The following CADPS variants were observed in gnomAD, a reference collection of about 807,000 sequenced individuals.
The protein encoded by CADPS is calcium dependent secretion activator.
Under a neutral mutation model 167.3 loss-of-function variants are expected in CADPS, and 57 were observed. The observed-to-expected ratio is 0.34, with a 90% CI of 0.28 to 0.42. CADPS has a LOEUF of 0.42. Ranked by LOEUF, CADPS falls within the 20% of genes least tolerant of loss-of-function variation. The pLI, the probability that CADPS is intolerant of heterozygous loss-of-function variation, is 1.00. For missense variants in CADPS, 1,414 were observed against 1,738.1 expected (o/e 0.81, Z 3.32); for synonymous variants, 676 against 635.3 (o/e 1.06, Z -0.96).
chr3:62,687,734 ATTTTT>A (rs201429638), intron 3 of CADPS, among the ~76,000 whole-genome samples: 12 of 128,310 alleles, frequency 9.4e-5, no homozygotes, highest in East Asian at 2.4e-4. Context: ...TTCCCTTCGC[ATTTTT>A]TTTTTTTTTT....
At chr3:62,750,057 A>C (rs2082346491) in intron 3 of CADPS, among the ~76,000 whole-genome samples, 1 of 152,186 alleles carries the variant, frequency 6.6e-6, no homozygotes, top group South Asian at 2.1e-4. Context: ...ACAGGTTTAA[A>C]AAGTGAACTT....
chr3:62,485,140 A>C (rs902220701), intron 21 of CADPS, among the ~76,000 whole-genome samples: 3 of 149,620 alleles, frequency 2.0e-5, no homozygotes, highest in African/African-American at 7.3e-5. Context: ...ATATAAAAAG[A>C]GTAAGACGTT....
chr3:62,520,452 G>A (rs1424938239), intron 13 of CADPS, among the ~76,000 whole-genome samples: 1 of 152,192 alleles, frequency 6.6e-6, no homozygotes, highest in Non-Finnish European at 1.5e-5. Flanking sequence ...CTGCTTCGCT[G>A]ATAACCTCTC....
At chr3:62,776,518 G>T (rs926247055) in intron 1 of CADPS, among the ~76,000 whole-genome samples, 1 of 152,186 alleles carries the variant, frequency 6.6e-6, no homozygotes, top group Admixed American at 6.5e-5. Context: ...GCCGGGCATG[G>T]TGGCGGGCGC....
intron 26 of CADPS, among the ~76,000 whole-genome samples, chr3:62,447,460 T>C (rs1048233100): frequency 4.6e-5 from 7 of 152,296 alleles, no homozygotes; most frequent in African/African-American, 1.7e-4. Context: ...TTTTGTGCAA[T>C]GTCTACCTCC....
intron 29 of CADPS, among the ~76,000 whole-genome samples, chr3:62,402,550 G>A (rs971675121): frequency 6.6e-6 from 1 of 152,160 alleles, no homozygotes; most frequent in Non-Finnish European, 1.5e-5. Context: ...TTCAGGGTAT[G>A]TTATCTCACC....
intron 4 of CADPS, among the ~76,000 whole-genome samples, chr3:62,652,391 TG>T (rs1176983382): frequency 8.0e-6 from 1 of 125,248 alleles, no homozygotes; most frequent in East Asian, 2.3e-4. Flanking sequence ...ATGCCAATTC[TG>T]TGTGGCCAAA....
In CADPS at chr3:62,571,232, G is replaced by A. The variant is rs559973884; in HGVS notation, c.1578-294C>T. 2.6e-5 allele frequency among the ~76,000 whole-genome samples: 4 copies of A among 152,258 alleles called. No individual in the cohort carries two copies. The South Asian group carries it at 8.3e-4, about 32-fold the overall frequency. On this transcript the variant is annotated intron_variant, in intron 8 of 29. Coordinates refer to ENST00000383710, the MANE Select transcript of CADPS (RefSeq NM_003716.4). ...TTGTGTATGTGCTAAAAGTCTTTTA[G>A]GTAGGGGAACTCCTGAAAGACATTG... is the stretch of plus-strand genomic sequence containing the variant.
At chr3:62,654,953 G>A (rs1306927749) in intron 4 of CADPS, among the ~76,000 whole-genome samples, 2 of 152,118 alleles carry the variant, frequency 1.3e-5, no homozygotes, top group African/African-American at 4.8e-5. Context: ...CTCACTCAGT[G>A]CCTTTTAACT....
intron 28 of CADPS, among the ~76,000 whole-genome samples, chr3:62,413,507 T>A (rs1236115941): frequency 6.6e-6 from 1 of 152,172 alleles, no homozygotes; most frequent in Admixed American, 6.5e-5. Flanking sequence ...TTATGCTAAA[T>A]GAAATAAGTC....
chr3:62,559,337 T>C (rs1485226296), intron 9 of CADPS, among the ~76,000 whole-genome samples: 2 of 152,168 alleles, frequency 1.3e-5, no homozygotes, highest in East Asian at 1.9e-4. Context: ...GTTGAGTACA[T>C]ACAATCCAAT....
At chr3:62,869,001 G>A (rs993996651) in intron 1 of CADPS, among the ~76,000 whole-genome samples, 3 of 152,056 alleles carry the variant, frequency 2.0e-5, no homozygotes, top group Admixed American at 1.3e-4. Flanking sequence ...TATAGGTTGA[G>A]TATTCCTTAT....
chr3:62,792,353 A>G (rs892499282), intron 1 of CADPS, among the ~76,000 whole-genome samples: 9 of 151,658 alleles, frequency 5.9e-5, no homozygotes, highest in African/African-American at 9.7e-5. Context: ...ACAGGCATGC[A>G]CCCCCATGCC....
chr3:62,772,531 A>G (rs949789590), intron 1 of CADPS, among the ~76,000 whole-genome samples: 4 of 152,196 alleles, frequency 2.6e-5, no homozygotes, highest in African/African-American at 9.6e-5. Context: ...GGCTAAGAGC[A>G]TCGCAGAAAT....
chr3:62,715,373 C>CTATCTACCTAT (rs1554105668), intron 3 of CADPS, among the ~76,000 whole-genome samples: 63 of 134,604 alleles, frequency 4.7e-4, no homozygotes, highest in East Asian at 4.2e-3. Context: ...TATCTATCTA[C>CTATCTACCTAT]CTATCTATCT....
In CADPS at chr3:62,800,828, C is replaced by T. The variant is rs377629967; in HGVS notation, c.442-34844G>A. 8.0e-4 allele frequency among the ~76,000 whole-genome samples: 121 copies of T among 152,198 alleles called. 1 individual carries two copies. In the East Asian group the frequency reaches 0.014, roughly 17 times the overall value. On this transcript the variant is annotated intron_variant, in intron 1 of 29. Coordinates refer to ENST00000383710, the MANE Select transcript of CADPS (RefSeq NM_003716.4). The stretch of plus-strand genomic sequence containing the variant: ...AGATTAAAACATCTTTCCCAGAAAA[C>T]GCGTTTACAAAACATTCGTTCTCGA...
chr3:62,875,192 T>G lies in CADPS; in HGVS notation c.-163A>C. ...GCCTCGGCCGCCGCGACTGATCCTC[T>G]GCCCGGCGGTCGCGAGCTGGGCTCA... On this transcript the variant is annotated 5_prime_UTR_variant, in exon 1 of 30. Transcript: ENST00000383710. 1 of 962,214 alleles carries G rather than the reference T, an allele frequency of 1.0e-6. No individual in the cohort carries two copies. The highest frequency in any genetic ancestry group is 3.8e-5 in the East Asian group (1 of 26,272). 59.6% of individuals were successfully genotyped at this position (962,214 alleles called of 1,614,324 possible).
At chr3:62,719,255 C>G (rs1003882897) in intron 3 of CADPS, among the ~76,000 whole-genome samples, 1 of 152,204 alleles carries the variant, frequency 6.6e-6, no homozygotes, top group African/African-American at 2.4e-5. Context: ...CTTTCAACCC[C>G]TGTGACATCT....
intron 8 of CADPS, among the ~76,000 whole-genome samples, chr3:62,581,699 T>G (rs1018489599): frequency 6.6e-6 from 1 of 151,660 alleles, no homozygotes; most frequent in Non-Finnish European, 1.5e-5. Flanking sequence ...AAACAAAAAT[T>G]GATGGTGGAT....
Sources: allele counts gnomAD v4.1 joint callset (sites outside exome capture counted in the v4.1 genomes callset), GRCh38; gene constraint gnomAD v4.1.1; transcripts MANE v1.5; gene names NCBI Gene and HGNC (gene_info 2026-07-23, HGNC 2026-07-21).